Variants in STON1 observed in about 807,000 individuals in gnomAD.
The protein encoded by STON1 is stonin 1.
In STON1, 79 loss-of-function variants were observed where a neutral mutation model predicts 60.9. That is an observed-to-expected ratio of 1.30 (90% confidence interval 1.08 to 1.56). STON1 has a LOEUF of 1.56. Among genes scored for constraint, STON1 ranks in the 40% most tolerant of loss-of-function variants. STON1 has a pLI of 0.00. For synonymous variants in STON1, 363 were observed against 306.9 expected, an observed-to-expected ratio of 1.18 and a Z score of -1.91; for missense variants, 1,166 against 858.9, an observed-to-expected ratio of 1.36 and a Z score of -4.47.
Position 48,581,566 on chromosome 2 carries a change from T to G in STON1, c.933T>G (p.Tyr311Ter), listed in dbSNP as rs777938169. The G allele has an allele frequency of 3.1e-6, 5 of 1,614,214 alleles. No individual in the cohort carries two copies. In the South Asian group the frequency reaches 5.5e-5, roughly 18 times the overall value. Residue 311 changes from tyrosine to a stop codon, truncating the protein, a stop_gained, in exon 2 of 4, where the codon TAT (tyrosine) becomes TAG (stop). Transcript: ENST00000404752. LOFTEE classifies it high-confidence loss of function. ...CTGGAGGAATTTTGCAGATGTATTA[T>G]GAACAGGGATTAGAAAAACCATTTA... ...VLPGGILQMY[Y>*]EQGLEKPFKE...
rs1558656697 is a variant in STON1, at chr2:48,595,500, G to A, written c.*198G>A. 2 of 533,502 alleles carry A rather than the reference G, an allele frequency of 3.7e-6. No individual in the cohort carries two copies. Among genetic ancestry groups the A allele is most frequent in the Non-Finnish European group, 6.6e-6 (2 of 302,852 alleles). 33.0% of individuals were successfully genotyped at this position (533,502 alleles called of 1,614,324 possible). A position where few individuals can be genotyped will look rare whatever the true frequency, so the allele number is the denominator to read the frequency against. Reference sequence around the variant, plus strand: ...GCTTTTCATGTGTTTTTGTCCTAGGGGTTCGATCTAAAATGTTTCTATAAT... The same window carrying A: ...GCTTTTCATGTGTTTTTGTCCTAGGAGTTCGATCTAAAATGTTTCTATAAT... On this transcript the variant is annotated 3_prime_UTR_variant, in exon 4 of 4. Coordinates refer to ENST00000404752, the MANE Select transcript of STON1 (RefSeq NM_006873.4).
At chr2:48,536,869 A>G (rs1671454958) in intron 1 of STON1, among the ~76,000 whole-genome samples, 1 of 152,172 alleles carries the variant, frequency 6.6e-6, no homozygotes, top group African/African-American at 2.4e-5. Flanking sequence ...TATATCTTAT[A>G]GATTTGGTTG....
chr2:48,565,041 T>G (rs1378735694), intron 1 of STON1, among the ~76,000 whole-genome samples: 24 of 118,930 alleles, frequency 2.0e-4, no homozygotes, highest in Admixed American at 8.0e-4. Flanking sequence ...CCCTCCGGCT[T>G]CTTCTTTTTT....
chr2:48,581,746 C>T lies in STON1; in HGVS notation c.1113C>T (p.Asp371=), dbSNP rs1172375843. 1 of 1,613,142 alleles carries T rather than the reference C, an allele frequency of 6.2e-7. No homozygotes were observed. Among genetic ancestry groups the T allele is most frequent in the Admixed American group, 1.7e-5 (1 of 59,820 alleles). The stretch of plus-strand genomic sequence containing the variant: ...AGACAGAAGTAGTTCATGAACCTGA[C>T]ATAGAGCAGATGCTGAAGTTGGGGT... ...HSKTEVVHEP[D]IEQMLKLGST... The change falls in exon 2 of 4, where the codon GAC becomes GAT. Residue 371 remains aspartate (D), a synonymous_variant. Coordinates refer to ENST00000404752, the MANE Select transcript of STON1 (RefSeq NM_006873.4).
rs1674751665 is a variant in STON1 at position 48,595,552 on chromosome 2, A to G, written c.*250A>G. The G allele has an allele frequency of 6.8e-6, 3 of 443,152 alleles. No homozygotes were observed. The South Asian group carries it at 7.8e-5, about 12-fold the overall frequency. The allele number at this position is 443,152 out of a possible 1,614,324, so 27.5% of individuals were successfully genotyped here. ...CGTGTGATGTTTTGCTTCCTATTGA[A>G]ACTCAAAGGCACTGTTACTCGTTGT... On this transcript the variant is annotated 3_prime_UTR_variant, in exon 4 of 4. Coordinates refer to ENST00000404752, the MANE Select transcript of STON1 (RefSeq NM_006873.4).
chr2:48,534,311 T>C (rs1671339916), intron 1 of STON1, among the ~76,000 whole-genome samples: 1 of 152,146 alleles, frequency 6.6e-6, no homozygotes. Flanking sequence ...AATATTACTA[T>C]TATTTTCATT....
chr2:48,581,952 C>G lies in STON1; in HGVS notation c.1319C>G (p.Thr440Ser), dbSNP rs1193202412. Residue 440 changes from threonine (T) to serine (S), a missense_variant, in exon 2 of 4, where the codon ACT (threonine) becomes AGT (serine). Physicochemically the swap from Thr to Ser is moderately conservative, Grantham distance 58. Transcript: ENST00000404752. ...AAATTTGTTGAAAGTGCTGTGATAA[C>G]TCAAATTTATTGCCTCTGCTTTGTG... Reference protein sequence around the residue: ...EGKFVESAVITQIYCLCFVNG... With the variant: ...EGKFVESAVISQIYCLCFVNG... 1.2e-6 allele frequency: 2 copies of G among 1,614,082 alleles called. No homozygotes were observed. Among genetic ancestry groups the G allele is most frequent in the African/African-American group, 1.3e-5 (1 of 74,912 alleles).
At position 48,596,206 on chromosome 2, in the gene STON1, T is replaced by C. The variant is rs1674775937; in HGVS notation, c.*904T>C. On this transcript the variant is annotated 3_prime_UTR_variant, in exon 4 of 4. Transcript: ENST00000404752. ...TTGAGTAGAAGTCTAAATCACATTATGATTATTTTATACTAGTTCTGCTAT... is the reference window on the plus strand; with the variant it reads ...TTGAGTAGAAGTCTAAATCACATTACGATTATTTTATACTAGTTCTGCTAT... The C allele has an allele frequency of 6.6e-6, 1 of 152,234 alleles. No individual in the cohort carries two copies. Among genetic ancestry groups the C allele is most frequent in the African/African-American group, 2.4e-5 (1 of 41,468 alleles). The allele number at this position is 152,234 out of a possible 1,614,324, so 9.4% of individuals were successfully genotyped here. A position where few individuals can be genotyped will look rare whatever the true frequency, so the allele number is the denominator to read the frequency against.
At chr2:48,555,380 T>C (rs1558590177) in intron 1 of STON1, among the ~76,000 whole-genome samples, 3 of 39,520 alleles carry the variant, frequency 7.6e-5, no homozygotes, top group Non-Finnish European at 1.0e-4. Flanking sequence ...GGCTCCTCAC[T>C]TCCCAGTAGG....
At chr2:48,548,667 T>G (rs1013136900) in intron 1 of STON1, among the ~76,000 whole-genome samples, 1 of 151,938 alleles carries the variant, frequency 6.6e-6, no homozygotes, top group East Asian at 1.9e-4. Flanking sequence ...CCTGCCTAAT[T>G]TTTGCATTTT....
intron 1 of STON1, among the ~76,000 whole-genome samples, chr2:48,562,823 T>A (rs1481075188): frequency 6.6e-6 from 1 of 152,186 alleles, no homozygotes; most frequent in Non-Finnish European, 1.5e-5. Flanking sequence ...AGATGGCTGG[T>A]TGAGACCATG....
intron 1 of STON1, among the ~76,000 whole-genome samples, chr2:48,574,924 G>C (rs560916841): frequency 6.6e-6 from 1 of 152,344 alleles, no homozygotes; most frequent in East Asian, 1.9e-4. Flanking sequence ...TAAAAACGGT[G>C]TTATGAACGA....
intron 1 of STON1, among the ~76,000 whole-genome samples, chr2:48,554,681 G>A (rs1260867854): frequency 6.7e-5 from 10 of 149,900 alleles, no homozygotes; most frequent in Non-Finnish European, 5.9e-5. Context: ...CCACGTATGC[G>A]TTTCTACTCA....
rs1239779321 is a variant in STON1, at chr2:48,595,682, T to A, written c.*380T>A. The A allele has an allele frequency of 2.4e-5, 6 of 254,020 alleles. No individual in the cohort carries two copies. Among genetic ancestry groups the A allele is most frequent in the Non-Finnish European group, 4.5e-5 (6 of 133,000 alleles). The allele number at this position is 254,020 out of a possible 1,614,324, so 15.7% of individuals were successfully genotyped here. On this transcript the variant is annotated 3_prime_UTR_variant, in exon 4 of 4. Coordinates refer to ENST00000404752, the MANE Select transcript of STON1 (RefSeq NM_006873.4). ...ATTTCTTCCCATCTCTTCTTGCTGCTTAGTGTCTGTACTAGAGGGTAAGGG... is the reference window on the plus strand; with the variant it reads ...ATTTCTTCCCATCTCTTCTTGCTGCATAGTGTCTGTACTAGAGGGTAAGGG...
intron 1 of STON1, among the ~76,000 whole-genome samples, chr2:48,534,365 G>A (rs551521433): frequency 6.6e-6 from 1 of 152,220 alleles, no homozygotes; most frequent in Admixed American, 6.5e-5. Flanking sequence ...CTCATCCATG[G>A]TCACACAGCC....
intron 2 of STON1, among the ~76,000 whole-genome samples, chr2:48,582,771 A>G (rs1673971830): frequency 6.6e-6 from 1 of 152,168 alleles, no homozygotes; most frequent in Admixed American, 6.6e-5. Context: ...ACTGTTGAAC[A>G]TTTTTTAAAT....
At chr2:48,558,979 G>C (rs1672499777) in intron 1 of STON1, among the ~76,000 whole-genome samples, 2 of 152,166 alleles carry the variant, frequency 1.3e-5, no homozygotes, top group Non-Finnish European at 2.9e-5. Context: ...GCTGACCTGA[G>C]GCTGAAAGGA....
chr2:48,534,691 G>A (rs1435870577), intron 1 of STON1, among the ~76,000 whole-genome samples: 1 of 152,140 alleles, frequency 6.6e-6, no homozygotes, highest in Non-Finnish European at 1.5e-5. Flanking sequence ...GCTGAGCTGG[G>A]AGGATCACCT....
At chr2:48,584,253 G>A (rs192322102) in intron 2 of STON1, among the ~76,000 whole-genome samples, 2 of 152,150 alleles carry the variant, frequency 1.3e-5, no homozygotes, top group Admixed American at 1.3e-4. Context: ...TTATGGCAGT[G>A]TTTCTCAAAC....
Sources: gnomAD v4.1 joint callset for allele counts (sites outside exome capture counted in the v4.1 genomes callset) on GRCh38, gnomAD v4.1.1 for gene constraint, MANE v1.5 for transcripts, NCBI Gene and HGNC (gene_info 2026-07-23, HGNC 2026-07-21) for gene names.